Variants in CACNA2D4 observed in about 807,000 individuals in gnomAD.
The protein encoded by CACNA2D4 is calcium voltage-gated channel auxiliary subunit alpha2delta 4.
In CACNA2D4, 157 loss-of-function variants were observed where a neutral mutation model predicts 163.8. The observed-to-expected ratio is 0.96, with a 90% CI of 0.84 to 1.09. The LOEUF (loss-of-function observed/expected upper bound fraction) is 1.09. Ranked by LOEUF, CACNA2D4 falls within the 50% of genes least tolerant of loss-of-function variation. The pLI, the probability that CACNA2D4 is intolerant of heterozygous loss-of-function variation, is 0.00. For missense variants in CACNA2D4, 1,410 were observed against 1,479.9 expected (o/e 0.95, Z 0.78); for synonymous variants, 598 against 586.9 (o/e 1.02, Z -0.27).
intron 26 of CACNA2D4, among the ~76,000 whole-genome samples, chr12:1,815,436 C>T (rs1176048899): frequency 6.6e-6 from 1 of 150,844 alleles, no homozygotes; most frequent in African/African-American, 2.5e-5. Context: ...CCTGGCCTCC[C>T]GAGATAAAGC....
Position 1,917,998 on chromosome 12 carries a change from C to T in CACNA2D4, c.227+249G>A, listed in dbSNP as rs1592757983. 6 of 470,558 alleles carry T rather than the reference C, an allele frequency of 1.3e-5. No individual in the cohort carries two copies. The South Asian group carries it at 1.5e-4, about 12-fold the overall frequency. The allele number at this position is 470,558 out of a possible 1,614,324, so 29.1% of individuals were successfully genotyped here. On this transcript the variant is annotated intron_variant, in intron 1 of 37. Coordinates refer to ENST00000382722, the MANE Select transcript of CACNA2D4 (RefSeq NM_172364.5). This position sits in a 1 kb window ranked among gnomAD's most constrained non-coding sequence, Gnocchi z 4.3. The stretch of plus-strand genomic sequence containing the variant: ...ACAGCAGCCCTGATGATCAGTTCTT[C>T]CTAAAGCCATCCGGCTCCTGGGGAG...
intron 3 of CACNA2D4, among the ~76,000 whole-genome samples, chr12:1,912,096 G>T (rs1333808009): frequency 6.6e-6 from 1 of 152,154 alleles, no homozygotes; most frequent in African/African-American, 2.4e-5. Context: ...TGGGGGTGGG[G>T]GTACACTGAC....
intron 26 of CACNA2D4, among the ~76,000 whole-genome samples, chr12:1,815,321 C>T (rs903617337): frequency 2.1e-5 from 3 of 144,244 alleles, no homozygotes; most frequent in African/African-American, 8.8e-5. Context: ...GGCATTTGTA[C>T]CAGCTGTTCT....
intron 6 of CACNA2D4, among the ~76,000 whole-genome samples, chr12:1,894,629 A>T (rs1467231405): frequency 1.2e-3 from 2 of 1,686 alleles, no homozygotes; most frequent in African/African-American, 0.012. Context: ...AAAGAATGAA[A>T]ATAACCATAT....
In CACNA2D4 at chr12:1,874,723, G is replaced by T; in HGVS notation, c.1807-48C>A. On this transcript the variant is annotated intron_variant, in intron 17 of 37. Coordinates refer to ENST00000382722, the MANE Select transcript of CACNA2D4 (RefSeq NM_172364.5). This position sits in a 1 kb window ranked among gnomAD's most constrained non-coding sequence, Gnocchi z 4.4. Reference sequence around the variant, plus strand: ...ATTAGTTCCTTGGCTCACAGGGGATGGTGAAAGTATGGCATTCTTCAGACC... The same window carrying T: ...ATTAGTTCCTTGGCTCACAGGGGATTGTGAAAGTATGGCATTCTTCAGACC... The T allele has an allele frequency of 7.3e-7, 1 of 1,361,162 alleles. No individual in the cohort carries two copies. Among genetic ancestry groups the T allele is most frequent in the Non-Finnish European group, 1.1e-6 (1 of 950,534 alleles). The allele number at this position is 1,361,162 out of a possible 1,614,324, so 84.3% of individuals were successfully genotyped here.
Position 1,798,510 on chromosome 12 carries a change from C to T in CACNA2D4, c.2996-975G>A, listed in dbSNP as rs1349816852. Among the ~76,000 whole-genome samples, 2 of 152,058 alleles carry T rather than the reference C, an allele frequency of 1.3e-5. No homozygotes were observed. Among genetic ancestry groups the T allele is most frequent in the Non-Finnish European group, 2.9e-5 (2 of 68,000 alleles). ...CTCACCGAGAGGAGCAAGCCCACAG[C>T]GGCCAGGGCTGTGAGTTTTGTCCCC... is the stretch of plus-strand genomic sequence containing the variant. On this transcript the variant is annotated intron_variant, in intron 34 of 37. Coordinates refer to ENST00000382722, the MANE Select transcript of CACNA2D4 (RefSeq NM_172364.5). The surrounding 1 kb of genome is among the most constrained non-coding windows in gnomAD (Gnocchi z 4.3).
intron 26 of CACNA2D4, among the ~76,000 whole-genome samples, chr12:1,814,828 G>T (rs1863824749): frequency 6.6e-6 from 1 of 152,172 alleles, no homozygotes; most frequent in Admixed American, 6.5e-5. Context: ...GGATCTTTCT[G>T]AAGATCAAAT....
intron 20 of CACNA2D4, among the ~76,000 whole-genome samples, chr12:1,857,576 C>A (rs983475482): frequency 4.6e-5 from 7 of 152,158 alleles, no homozygotes; most frequent in African/African-American, 1.7e-4. Flanking sequence ...GGGTGTTAAA[C>A]AGAAAGTGGC....
In CACNA2D4 at chr12:1,879,806, T is replaced by C. The variant is rs2154449473; in HGVS notation, c.1561A>G (p.Thr521Ala). The change falls in exon 14 of 38, where the codon ACG becomes GCG. Residue 521 changes from threonine to alanine, a missense_variant and splice_region_variant. Transcript: ENST00000382722. The part of the protein sequence containing the change: ...AMPVFSKKNE[T>A]RSHGILLGVV... ...CGTCTCCAGGAGCGGCCACTCACCG[T>C]TTCGTTCTTCTTGCTGAAGACTGGC... The C allele has an allele frequency of 6.3e-7, 1 of 1,597,924 alleles. No individual in the cohort carries two copies. Among genetic ancestry groups the C allele is most frequent in the East Asian group, 2.3e-5 (1 of 44,272 alleles).
Position 1,843,530 on chromosome 12 carries a change from G to A in CACNA2D4, c.2470+872C>T, listed in dbSNP as rs1050552895. Among the ~76,000 whole-genome samples the A allele has an allele frequency of 1.2e-4, 19 of 152,156 alleles. No individual in the cohort carries two copies. The highest frequency in any genetic ancestry group is 1.9e-4 in the Non-Finnish European group (13 of 68,012). On this transcript the variant is annotated intron_variant, in intron 25 of 37. Transcript: ENST00000382722. This position sits in a 1 kb window ranked among gnomAD's most constrained non-coding sequence, Gnocchi z 4.6. ...TCCATGTGCTGGAATGGGATCAGCC[G>A]CCCCAGCACTCACCTGGTGGAGGGG...
At chr12:1,889,374 G>A (rs1405003028) in intron 6 of CACNA2D4, among the ~76,000 whole-genome samples, 1 of 152,222 alleles carries the variant, frequency 6.6e-6, no homozygotes. Flanking sequence ...TGTCTGATTT[G>A]TGGGGATGAA....
chr12:1,887,116 C>A, intron 6 of CACNA2D4, 47 bp from the exon 7 acceptor site: 1 of 1,368,742 alleles, frequency 7.3e-7, no homozygotes, highest in South Asian at 1.2e-5. Context: ...TGAGGCCACC[C>A]CAGATCCCCT....
Position 1,853,996 on chromosome 12 carries a change from G to T in CACNA2D4, c.2201C>A (p.Ala734Asp). ...REVLFDAVVT[A>D]PMEAYWTALA... ...CGCTGTCCAGTAGGCTTCCATGGGGGCTGTCACCACCGCGTCAAACAGCAC... is the reference window on the plus strand; with the variant it reads ...CGCTGTCCAGTAGGCTTCCATGGGGTCTGTCACCACCGCGTCAAACAGCAC... Residue 734 changes from alanine to aspartate, a missense_variant, in exon 23 of 38, where the codon GCC (alanine) becomes GAC (aspartate). Coordinates refer to ENST00000382722, the MANE Select transcript of CACNA2D4 (RefSeq NM_172364.5). 1 of 1,612,772 alleles carries T rather than the reference G, an allele frequency of 6.2e-7. No individual in the cohort carries two copies. The highest frequency in any genetic ancestry group is 8.5e-7 in the Non-Finnish European group (1 of 1,179,252).
chr12:1,854,114 T>G (rs1271727611), intron 22 of CACNA2D4, 70 bp from the exon 23 acceptor site: 7 of 1,158,888 alleles, frequency 6.0e-6, no homozygotes, highest in Non-Finnish European at 8.6e-6. Context: ...TCTCCCATCC[T>G]AAGTTCAGGG....
intron 26 of CACNA2D4, chr12:1,827,716 C>T: frequency 6.2e-6 from 1 of 161,492 alleles, no homozygotes. Context: ...AGTTTCTCCA[C>T]CCATAACTCA....
chr12:1,901,416 A>T (rs1866534633), intron 6 of CACNA2D4, among the ~76,000 whole-genome samples: 1 of 151,948 alleles, frequency 6.6e-6, no homozygotes, highest in Non-Finnish European at 1.5e-5. Context: ...GTTGGTTTTT[A>T]AAAAAGATAA....
At chr12:1,910,462 G>GC (rs1192224839) in intron 3 of CACNA2D4, among the ~76,000 whole-genome samples, 3 of 25,222 alleles carry the variant, frequency 1.2e-4, no homozygotes, top group Non-Finnish European at 2.1e-4. Flanking sequence ...GATGTTGATA[G>GC]CGGGGAAGGC....
chr12:1,854,145 G>T (rs1865349902), intron 22 of CACNA2D4, 101 bp from the exon 23 acceptor site: 2 of 785,488 alleles, frequency 2.5e-6, no homozygotes, highest in South Asian at 2.2e-5. Context: ...CTTCCTGAAC[G>T]TGTCTATGGG....
At chr12:1,859,813 AAG>A (rs1265688496) in intron 19 of CACNA2D4, among the ~76,000 whole-genome samples, 1 of 152,244 alleles carries the variant, frequency 6.6e-6, no homozygotes, top group African/African-American at 2.4e-5. Context: ...ATGACCTGTT[AAG>A]GCAGCTTGGC....
Sources: allele counts gnomAD v4.1 joint callset (sites outside exome capture counted in the v4.1 genomes callset), GRCh38; gene constraint gnomAD v4.1.1; non-coding constraint Gnocchi (gnomAD v3.1); transcripts MANE v1.5; gene names NCBI Gene and HGNC (gene_info 2026-07-23, HGNC 2026-07-21).